Variants in TRABD2B observed in about 807,000 individuals in gnomAD.
TRABD2B encodes TraB domain containing 2B.
Under a neutral mutation model 40.1 loss-of-function variants are expected in TRABD2B, and 14 were observed. That is an observed-to-expected ratio of 0.35 (90% confidence interval 0.23 to 0.55). The LOEUF (loss-of-function observed/expected upper bound fraction) is 0.55, where lower values mean the gene tolerates loss of function less well. TRABD2B is among the 20% of genes least tolerant of loss of function. The pLI is 0.90. For missense variants in TRABD2B, 541 were observed against 648.6 expected, an observed-to-expected ratio of 0.83 and a Z score of 1.80; for synonymous variants, 263 against 277.0, an observed-to-expected ratio of 0.95 and a Z score of 0.50.
At position 47,948,081 on chromosome 1, in the gene TRABD2B, G is replaced by A. The variant is rs138507743; in HGVS notation, c.666+45953C>T. Among the ~76,000 whole-genome samples the A allele has an allele frequency of 8.5e-5, 13 of 152,296 alleles. No individual in the cohort carries two copies. The East Asian group carries it at 1.2e-3, about 14-fold the overall frequency. ...CAAAAATTCTGGAATTTGGGGGGCCGTGGGCTTTGGAATCTTGAGGTCAAA... is the reference window on the plus strand; with the variant it reads ...CAAAAATTCTGGAATTTGGGGGGCCATGGGCTTTGGAATCTTGAGGTCAAA... On this transcript the variant is annotated intron_variant, in intron 2 of 6. Coordinates refer to ENST00000606738, the MANE Select transcript of TRABD2B (RefSeq NM_001194986.2).
intron 2 of TRABD2B, among the ~76,000 whole-genome samples, chr1:47,830,710 A>G (rs1370289034): frequency 6.6e-6 from 1 of 152,208 alleles, no homozygotes; most frequent in Non-Finnish European, 1.5e-5. Flanking sequence ...CTTTCAAGGA[A>G]ATGGCTTAGC....
At chr1:47,916,166 T>G in intron 2 of TRABD2B, among the ~76,000 whole-genome samples, 1 of 149,634 alleles carries the variant, frequency 6.7e-6, no homozygotes, top group Admixed American at 6.6e-5. Flanking sequence ...GGGCGGGGTT[T>G]GAGGGGGAAA....
intron 2 of TRABD2B, among the ~76,000 whole-genome samples, chr1:47,990,957 C>T: frequency 6.6e-6 from 1 of 150,818 alleles, no homozygotes; most frequent in Admixed American, 6.6e-5. Flanking sequence ...GCCTCACCAC[C>T]AGCCTCATAG....
At chr1:47,791,132 G>T (rs1023300189) in intron 4 of TRABD2B, among the ~76,000 whole-genome samples, 3 of 152,226 alleles carry the variant, frequency 2.0e-5, no homozygotes, top group Non-Finnish European at 4.4e-5. Flanking sequence ...CTCAGGGCAG[G>T]ATTCTGGAGC....
rs1381696278 is a variant in TRABD2B, at chr1:47,994,381, C to T, written c.319G>A (p.Glu107Lys). The T allele has an allele frequency of 1.3e-6, 2 of 1,536,182 alleles. No individual in the cohort carries two copies. Among genetic ancestry groups the T allele is most frequent in the East Asian group, 2.4e-5 (1 of 40,916 alleles). Reference sequence around the variant, plus strand: ...TGGGGCAGCACGTCCTGCAGGTTTTCCCCGTGCGGCAGCAGCTGGCAGCTG... The same window carrying T: ...TGGGGCAGCACGTCCTGCAGGTTTTTCCCGTGCGGCAGCAGCTGGCAGCTG... Reference protein sequence around the residue: ...LASCQLLPHGENLQDVLPHEL... With the variant: ...LASCQLLPHGKNLQDVLPHEL... Residue 107 changes from glutamate (E) to lysine (K), a missense_variant, in exon 2 of 7, where the codon GAA (glutamate) becomes AAA (lysine). This residue lies in a region of TRABD2B where 369 missense variants were observed against 492.8 expected (regional missense o/e 0.75). Coordinates refer to ENST00000606738, the MANE Select transcript of TRABD2B (RefSeq NM_001194986.2). This position sits in a 1 kb window ranked among gnomAD's most constrained non-coding sequence, Gnocchi z 6.7.
At chr1:47,804,951 G>A (rs1395009357) in intron 2 of TRABD2B, among the ~76,000 whole-genome samples, 2 of 152,228 alleles carry the variant, frequency 1.3e-5, no homozygotes, top group Non-Finnish European at 2.9e-5. Context: ...CTAGCTCAAT[G>A]TCTCCCTGCA....
At chr1:47,892,596 G>C (rs1376730736) in intron 2 of TRABD2B, among the ~76,000 whole-genome samples, 6 of 152,200 alleles carry the variant, frequency 3.9e-5, no homozygotes, top group Non-Finnish European at 8.8e-5. Context: ...CCAGAGTTTA[G>C]AGGTCAGAGA....
At chr1:47,878,987 C>T (rs1360989055) in intron 2 of TRABD2B, among the ~76,000 whole-genome samples, 2 of 150,852 alleles carry the variant, frequency 1.3e-5, no homozygotes, top group African/African-American at 2.4e-5. Flanking sequence ...CACCTGTAGT[C>T]CCAGCTACTG....
chr1:47,896,092 A>T (rs982230012), intron 2 of TRABD2B, among the ~76,000 whole-genome samples: 1 of 152,216 alleles, frequency 6.6e-6, no homozygotes, highest in African/African-American at 2.4e-5. Context: ...GTCAAGTGCG[A>T]TCTCTCCTGG....
At chr1:47,830,437 A>C (rs1474134765) in intron 2 of TRABD2B, among the ~76,000 whole-genome samples, 4 of 152,258 alleles carry the variant, frequency 2.6e-5, no homozygotes, top group Admixed American at 1.3e-4. Flanking sequence ...AAACCCACCA[A>C]GCTGGGAATC....
intron 2 of TRABD2B, among the ~76,000 whole-genome samples, chr1:47,959,821 C>T (rs1283096028): frequency 6.6e-6 from 1 of 152,114 alleles, no homozygotes; most frequent in Non-Finnish European, 1.5e-5. Context: ...GAAACTACTC[C>T]AATCAATAGA....
intron 2 of TRABD2B, among the ~76,000 whole-genome samples, chr1:47,859,207 C>T (rs1361685019): frequency 6.6e-6 from 1 of 152,118 alleles, no homozygotes; most frequent in African/African-American, 2.4e-5. Context: ...CTTTTGTTTC[C>T]CCCATCCTTC....
At position 47,968,486 on chromosome 1, in the gene TRABD2B, G is replaced by A. The variant is rs557459955; in HGVS notation, c.666+25548C>T. On this transcript the variant is annotated intron_variant, in intron 2 of 6. Coordinates refer to ENST00000606738, the MANE Select transcript of TRABD2B (RefSeq NM_001194986.2). ...GGAAGTACAGCTAATATCAAACAAC[G>A]GTTACTCCAGAGTCATTCATCTTGG... Among the ~76,000 whole-genome samples the A allele has an allele frequency of 1.2e-4, 19 of 152,208 alleles. No individual in the cohort carries two copies. The South Asian group carries it at 2.3e-3, about 18-fold the overall frequency.
intron 2 of TRABD2B, among the ~76,000 whole-genome samples, chr1:47,939,442 A>G (rs752923553): frequency 4.6e-5 from 7 of 152,198 alleles, no homozygotes; most frequent in Non-Finnish European, 8.8e-5. Context: ...AAAATAAGGT[A>G]GCAGTGAAGA....
In TRABD2B at chr1:47,775,395, G is replaced by A. The variant is rs1427824403; in HGVS notation, c.1124C>T (p.Thr375Met). Reference sequence around the variant, plus strand: ...AGCTGGGGTCACTGGGGCCGGGCTCGTCGAGGTCCCCTCAGGAGAGGGCGC... The same window carrying A: ...AGCTGGGGTCACTGGGGCCGGGCTCATCGAGGTCCCCTCAGGAGAGGGCGC... ...SPAPSPEGTS[T>M]SPAPVTPAAA... The change falls in exon 6 of 7, where the codon ACG becomes ATG. Residue 375 changes from threonine to methionine, a missense_variant. Around this residue, in one of 2 missense-constraint regions of TRABD2B, gnomAD observed 172 missense variants for 155.8 expected, o/e 1.10. Transcript: ENST00000606738. The A allele has an allele frequency of 5.7e-6, 7 of 1,236,912 alleles. No homozygotes were observed. The African/African-American group carries it at 6.2e-5, about 11-fold the overall frequency. The allele number at this position is 1,236,912 out of a possible 1,614,324, so 76.6% of individuals were successfully genotyped here.
intron 2 of TRABD2B, among the ~76,000 whole-genome samples, chr1:47,937,106 C>T (rs1268226781): frequency 6.6e-6 from 1 of 151,900 alleles, no homozygotes; most frequent in African/African-American, 2.4e-5. Context: ...TCATCACCAC[C>T]ACCACCAGCA....
chr1:47,911,075 A>T (rs1233636728), intron 2 of TRABD2B, among the ~76,000 whole-genome samples: 1 of 152,224 alleles, frequency 6.6e-6, no homozygotes, highest in East Asian at 1.9e-4. Flanking sequence ...AGCTTCCTGG[A>T]GCAGAGCGCC....
intron 2 of TRABD2B, among the ~76,000 whole-genome samples, chr1:47,840,403 G>A (rs904025919): frequency 2.6e-5 from 4 of 152,150 alleles, no homozygotes; most frequent in Non-Finnish European, 4.4e-5. Flanking sequence ...CTGGTAAGTG[G>A]TACAGCCATG....
intron 2 of TRABD2B, among the ~76,000 whole-genome samples, chr1:47,885,478 A>G (rs1225853320): frequency 6.6e-6 from 1 of 152,144 alleles, no homozygotes; most frequent in African/African-American, 2.4e-5. Flanking sequence ...TGCATCGGCC[A>G]TCTGGTAACT....
Sources: allele counts gnomAD v4.1 joint callset (sites outside exome capture counted in the v4.1 genomes callset), GRCh38; gene constraint gnomAD v4.1.1; regional missense constraint gnomAD v4.1.1; non-coding constraint Gnocchi (gnomAD v3.1); transcripts MANE v1.5; gene names NCBI Gene and HGNC (gene_info 2026-07-23, HGNC 2026-07-21).